Variants in ST8SIA4 observed in about 807,000 individuals in gnomAD.
The protein encoded by ST8SIA4 is CMP-N-acetylneuraminate-poly-alpha-2,8-sialyltransferase.
Under a neutral mutation model 33.9 loss-of-function variants are expected in ST8SIA4, and 15 were observed. The ratio of observed to expected loss-of-function variants is 0.44; its 90% CI spans 0.30 to 0.68. ST8SIA4 has a LOEUF of 0.68. ST8SIA4 is among the 30% of genes least tolerant of loss of function. The pLI is 0.10. For missense variants in ST8SIA4, 321 were observed against 428.0 expected (o/e 0.75, Z 2.21); for synonymous variants, 171 against 151.2 (o/e 1.13, Z -0.96).
intron 4 of ST8SIA4, among the ~76,000 whole-genome samples, chr5:100,840,717 G>A (rs1164370267): frequency 6.6e-6 from 1 of 151,392 alleles, no homozygotes; most frequent in Non-Finnish European, 1.5e-5. Flanking sequence ...GTCTTCCTTA[G>A]GGTCTCTTTT....
At chr5:100,837,643 T>G (rs555991680) in intron 4 of ST8SIA4, among the ~76,000 whole-genome samples, 2 of 152,050 alleles carry the variant, frequency 1.3e-5, no homozygotes, top group African/African-American at 4.8e-5. Context: ...ATCTCCTCAT[T>G]AGTTTGAAAT....
intron 4 of ST8SIA4, among the ~76,000 whole-genome samples, chr5:100,855,850 A>G (rs974647534): frequency 6.6e-6 from 1 of 152,238 alleles, no homozygotes; most frequent in Non-Finnish European, 1.5e-5. Flanking sequence ...AAATATAAAA[A>G]TTAGTAGTTT....
intron 2 of ST8SIA4, among the ~76,000 whole-genome samples, chr5:100,889,480 G>C (rs944619283): frequency 1.2e-4 from 18 of 151,946 alleles, no homozygotes; most frequent in Non-Finnish European, 1.9e-4. Flanking sequence ...AAAAGACTCT[G>C]TAGCTTGGAA....
intron 4 of ST8SIA4, among the ~76,000 whole-genome samples, chr5:100,843,315 A>G (rs1369331052): frequency 6.6e-6 from 1 of 151,886 alleles, no homozygotes; most frequent in Non-Finnish European, 1.5e-5. Context: ...GATGTTGACA[A>G]TAAAAGTTTA....
Position 100,886,615 on chromosome 5 carries a change from CA to C in ST8SIA4, c.246-16del. 1 of 1,603,600 alleles carries C rather than the reference CA, an allele frequency of 6.2e-7. No homozygotes were observed. Among genetic ancestry groups the C allele is most frequent in the South Asian group, 1.1e-5 (1 of 90,820 alleles). ...GTATGTTCTTCCTGTATTTGAAATA[CA>C]AGCAAAGTTTTACATTACCATCAGC... On this transcript the variant is annotated splice_polypyrimidine_tract_variant and intron_variant, in intron 2 of 4. Coordinates refer to ENST00000231461, the MANE Select transcript of ST8SIA4 (RefSeq NM_005668.6).
chr5:100,858,881 T>C (rs1751873933), intron 3 of ST8SIA4, among the ~76,000 whole-genome samples: 1 of 151,996 alleles, frequency 6.6e-6, no homozygotes, highest in Admixed American at 6.6e-5. Context: ...GTACAGGAAA[T>C]AACAAGACAG....
chr5:100,812,292 TTTTA>T (rs1179955549), intron 4 of ST8SIA4, among the ~76,000 whole-genome samples, 163 bp from the exon 5 acceptor site: 1 of 152,176 alleles, frequency 6.6e-6, no homozygotes, highest in Non-Finnish European at 1.5e-5. Flanking sequence ...AATTTGATGC[TTTTA>T]TTTTATTTCT....
chr5:100,863,819 C>T (rs1354481489), intron 3 of ST8SIA4, among the ~76,000 whole-genome samples: 10 of 152,112 alleles, frequency 6.6e-5, no homozygotes, highest in Admixed American at 5.9e-4. Flanking sequence ...TAAAATAAGA[C>T]ATAAAATTAG....
At chr5:100,852,309 G>A (rs1330199359) in intron 4 of ST8SIA4, among the ~76,000 whole-genome samples, 7 of 150,930 alleles carry the variant, frequency 4.6e-5, no homozygotes, top group African/African-American at 7.3e-5. Context: ...TTTAGTAGAG[G>A]CGGGGTTTCG....
chr5:100,867,742 G>A lies in ST8SIA4; in HGVS notation c.504-11346C>T, dbSNP rs185356854. ...ATACCTTTTTGAAAGTATAACCCAA[G>A]GTTGAAAATGATTTTTAACTTAGTA... On this transcript the variant is annotated intron_variant, in intron 3 of 4. Coordinates refer to ENST00000231461, the MANE Select transcript of ST8SIA4 (RefSeq NM_005668.6). Among the ~76,000 whole-genome samples, 184 of 151,938 alleles carry A rather than the reference G, an allele frequency of 1.2e-3. 1 individual carries two copies. Among genetic ancestry groups the A allele is most frequent in the African/African-American group, 4.2e-3 (176 of 41,474 alleles).
intron 4 of ST8SIA4, chr5:100,816,636 T>A (rs1056143201): frequency 8.0e-6 from 4 of 502,866 alleles, no homozygotes; most frequent in African/African-American, 2.0e-5. Context: ...TAGAAGAATT[T>A]GAATATCAAG....
chr5:100,891,293 C>T (rs1752656726), intron 2 of ST8SIA4, among the ~76,000 whole-genome samples: 1 of 151,766 alleles, frequency 6.6e-6, no homozygotes, highest in African/African-American at 2.4e-5. Context: ...AAAAAAATCA[C>T]TGTAAATTAA....
At chr5:100,843,024 T>A (rs1013136473) in intron 4 of ST8SIA4, among the ~76,000 whole-genome samples, 7 of 151,896 alleles carry the variant, frequency 4.6e-5, no homozygotes, top group African/African-American at 1.7e-4. Context: ...CTGGTAAAGT[T>A]TGCTGAAATT....
intron 4 of ST8SIA4, among the ~76,000 whole-genome samples, chr5:100,815,235 A>G (rs62386107): frequency 1.8e-4 from 28 of 152,018 alleles, no homozygotes; most frequent in Non-Finnish European, 3.4e-4. Flanking sequence ...AATCTAAGAA[A>G]AACATTACCT....
At chr5:100,887,488 T>C (rs932611136) in intron 2 of ST8SIA4, among the ~76,000 whole-genome samples, 1 of 152,072 alleles carries the variant, frequency 6.6e-6, no homozygotes, top group African/African-American at 2.4e-5. Flanking sequence ...GGCCACTAAA[T>C]TTTAAGGTTA....
intron 3 of ST8SIA4, chr5:100,885,344 A>G (rs1005189231): frequency 1.0e-5 from 10 of 961,364 alleles, no homozygotes; most frequent in Non-Finnish European, 1.1e-5. Flanking sequence ...ATTTGCTATT[A>G]TGAATTTTCT....
intron 4 of ST8SIA4, among the ~76,000 whole-genome samples, chr5:100,824,128 C>T (rs944668446): frequency 1.3e-5 from 2 of 152,088 alleles, no homozygotes; most frequent in Non-Finnish European, 2.9e-5. Context: ...TGAAGAAAGG[C>T]AATCTGTGGG....
intron 3 of ST8SIA4, among the ~76,000 whole-genome samples, chr5:100,857,616 G>T (rs1307871124): frequency 6.6e-6 from 1 of 151,796 alleles, no homozygotes; most frequent in Non-Finnish European, 1.5e-5. Flanking sequence ...CATTATGAAA[G>T]TTCCTTACAT....
intron 3 of ST8SIA4, among the ~76,000 whole-genome samples, chr5:100,877,515 T>A (rs1195909739): frequency 6.6e-6 from 1 of 152,176 alleles, no homozygotes; most frequent in Non-Finnish European, 1.5e-5. Flanking sequence ...AAAGAAAGTC[T>A]GGTATGACAA....
Sources: allele counts gnomAD v4.1 joint callset (sites outside exome capture counted in the v4.1 genomes callset), GRCh38; gene constraint gnomAD v4.1.1; transcripts MANE v1.5; gene names NCBI Gene and HGNC (gene_info 2026-07-23, HGNC 2026-07-21).